FRAS1: variants seen among roughly 807,000 people sequenced by gnomAD.
FRAS1 encodes extracellular matrix organizing protein FRAS1.
FRAS1 carries 290 observed loss-of-function variants against 435.2 expected under a neutral mutation model. The observed-to-expected ratio is 0.67, with a 90% CI of 0.61 to 0.73. The LOEUF is 0.73. Ranked by LOEUF, FRAS1 falls within the 30% of genes least tolerant of loss-of-function variation. The pLI is 0.00. For missense variants in FRAS1, 4,860 were observed against 5,001.5 expected, an observed-to-expected ratio of 0.97 and a Z score of 0.85; for synonymous variants, 1,800 against 1,851.0, an observed-to-expected ratio of 0.97 and a Z score of 0.71.
At chr4:78,440,870 G>A (rs1423849359) in intron 40 of FRAS1, among the ~76,000 whole-genome samples, 1 of 152,156 alleles carries the variant, frequency 6.6e-6, no homozygotes, top group Admixed American at 6.5e-5. Flanking sequence ...ACCGAGGTGG[G>A]TGATTAGAAT....
chr4:78,420,890 ATATATATATAT>A, intron 33 of FRAS1, among the ~76,000 whole-genome samples: 1 of 40,468 alleles, frequency 2.5e-5, no homozygotes, highest in Non-Finnish European at 6.5e-5. Flanking sequence ...ATATATATAT[ATATATATATAT>A]ATATATATAT....
rs781639458 is a variant in FRAS1 at position 78,488,984 on chromosome 4, G to A, written c.8862G>A (p.Arg2954=). The change falls in exon 59 of 74, where the codon AGG becomes AGA. Residue 2954 remains arginine, a synonymous_variant. Transcript: ENST00000512123. Reference sequence around the variant, plus strand: ...ACCTGAGCTATGAGTCATCAGTGAGGTGCTATACTCAGAGCCATTCCGCTC... The same window carrying A: ...ACCTGAGCTATGAGTCATCAGTGAGATGCTATACTCAGAGCCATTCCGCTC... ...SGDLSYESSV[R]CYTQSHSAQV... is the part of the protein sequence containing the mutation. 9 of 1,613,600 alleles carry A rather than the reference G, an allele frequency of 5.6e-6. No individual in the cohort carries two copies. The South Asian group carries it at 9.9e-5, about 18-fold the overall frequency.
At chr4:78,101,906 T>A (rs1742151452) in intron 2 of FRAS1, among the ~76,000 whole-genome samples, 1 of 152,196 alleles carries the variant, frequency 6.6e-6, no homozygotes, top group South Asian at 2.1e-4. Flanking sequence ...ATTCCGCTCG[T>A]GTCCATTTGT....
chr4:78,067,672 T>TA (rs1740106199), intron 2 of FRAS1, among the ~76,000 whole-genome samples: 1 of 125,750 alleles, frequency 8.0e-6, no homozygotes, highest in Non-Finnish European at 1.6e-5. Flanking sequence ...TTTTCTTTCT[T>TA]TTATTATTAT....
At chr4:78,273,508 G>T (rs1726827028) in intron 9 of FRAS1, among the ~76,000 whole-genome samples, 1 of 152,138 alleles carries the variant, frequency 6.6e-6, no homozygotes, top group African/African-American at 2.4e-5. Context: ...AATTTATTGA[G>T]AATTTTTAGC....
At chr4:78,411,012 G>A (rs190235297) in intron 31 of FRAS1, among the ~76,000 whole-genome samples, 1 of 152,182 alleles carries the variant, frequency 6.6e-6, no homozygotes, top group Non-Finnish European at 1.5e-5. Flanking sequence ...TGTCCCTAAA[G>A]GATTTCAAAC....
chr4:78,478,049 A>G lies in FRAS1; in HGVS notation c.8086A>G (p.Ile2696Val), dbSNP rs756071820. The G allele has an allele frequency of 1.3e-5, 21 of 1,564,964 alleles. 1 individual carries two copies. The South Asian group carries it at 2.4e-4, about 18-fold the overall frequency. The change falls in exon 55 of 74, where the codon ATT becomes GTT. Residue 2696 changes from isoleucine to valine, a missense_variant. Ile to Val is a conservative substitution (Grantham distance 29). Transcript: ENST00000512123. ...GAGCGCTGGTTTTCTGTTTGCACCT[A>G]TTGAAAGAAAAGGTCTGTTGGTTCC... ...NESAGFLFAP[I>V]ERKGDASSIV... is the part of the protein sequence containing the mutation.
intron 2 of FRAS1, among the ~76,000 whole-genome samples, chr4:78,150,672 TTAA>T (rs1239199815): frequency 3.9e-5 from 6 of 152,152 alleles, no homozygotes; most frequent in African/African-American, 1.2e-4. Flanking sequence ...GAAGGAAAAG[TTAA>T]TAGTATCCAG....
At chr4:78,257,798 G>A (rs1725859310) in intron 6 of FRAS1, among the ~76,000 whole-genome samples, 2 of 152,148 alleles carry the variant, frequency 1.3e-5, no homozygotes, top group Non-Finnish European at 2.9e-5. Flanking sequence ...GAAATTCCTT[G>A]TGTTCATATA....
At chr4:78,272,861 T>A (rs968857323) in intron 9 of FRAS1, among the ~76,000 whole-genome samples, 3 of 152,218 alleles carry the variant, frequency 2.0e-5, no homozygotes, top group African/African-American at 7.2e-5. Flanking sequence ...AAGTCATTGG[T>A]AGCTTGATGG....
intron 35 of FRAS1, among the ~76,000 whole-genome samples, chr4:78,428,528 T>C (rs1456095069): frequency 6.6e-6 from 1 of 152,166 alleles, no homozygotes; most frequent in Non-Finnish European, 1.5e-5. Context: ...TTTCATCGTG[T>C]TAGCCAGGAT....
chr4:78,479,231 A>G (rs764823941), intron 55 of FRAS1, 143 bp from the exon 56 acceptor site: 35 of 478,614 alleles, frequency 7.3e-5, no homozygotes, highest in Non-Finnish European at 1.1e-4. Context: ...AGAAACTGCA[A>G]TTCAGGAAGG....
At chr4:78,119,678 C>A (rs530529347) in intron 2 of FRAS1, among the ~76,000 whole-genome samples, 9 of 152,184 alleles carry the variant, frequency 5.9e-5, no homozygotes, top group Non-Finnish European at 1.3e-4. Context: ...CCTGACTTTA[C>A]CTTATAGTTT....
chr4:78,371,083 G>GTTTTTTTTTT (rs1242709942), intron 23 of FRAS1, among the ~76,000 whole-genome samples: 1 of 127,402 alleles, frequency 7.8e-6, no homozygotes, highest in African/African-American at 3.2e-5. Flanking sequence ...TTTTTTTTCT[G>GTTTTTTTTTT]TTTTTTTGTT....
Position 78,375,942 on chromosome 4 carries a change from G to A in FRAS1, c.3292+63G>A. On this transcript the variant is annotated intron_variant, in intron 26 of 73. Coordinates refer to ENST00000512123, the MANE Select transcript of FRAS1 (RefSeq NM_025074.7). ...AATAATTTCTCTATGTGAAGGCTGA[G>A]TTTGCAGACATAATTGACTTATGTG... 3.8e-6 allele frequency: 6 copies of A among 1,564,456 alleles called. No individual in the cohort carries two copies. In the South Asian group the frequency reaches 6.8e-5, roughly 18 times the overall value.
chr4:78,116,591 T>G (rs939286657), intron 2 of FRAS1, among the ~76,000 whole-genome samples: 19 of 152,216 alleles, frequency 1.2e-4, no homozygotes, highest in African/African-American at 4.6e-4. Context: ...GTAATGGCCT[T>G]CTTTGTCTCT....
intron 29 of FRAS1, among the ~76,000 whole-genome samples, chr4:78,389,272 A>G (rs1732351432): frequency 6.6e-6 from 1 of 152,236 alleles, no homozygotes; most frequent in East Asian, 1.9e-4. Context: ...TTTATTTCAA[A>G]TATCACTGCC....
intron 2 of FRAS1, among the ~76,000 whole-genome samples, chr4:78,119,035 A>T (rs1220903425): frequency 6.6e-6 from 1 of 151,142 alleles, no homozygotes; most frequent in Non-Finnish European, 1.5e-5. Flanking sequence ...ATTTTCTCCC[A>T]GTATAAACAT....
At chr4:78,480,268 T>A (rs1323909773) in intron 56 of FRAS1, among the ~76,000 whole-genome samples, 1 of 151,996 alleles carries the variant, frequency 6.6e-6, no homozygotes, top group African/African-American at 2.4e-5. Flanking sequence ...CTGGTAACCA[T>A]CCTTCTACAA....
Sources: gnomAD v4.1 joint callset for allele counts (sites outside exome capture counted in the v4.1 genomes callset) on GRCh38, gnomAD v4.1.1 for gene constraint, MANE v1.5 for transcripts, NCBI Gene and HGNC (gene_info 2026-07-23, HGNC 2026-07-21) for gene names.